PNPT1: variants seen among roughly 807,000 people sequenced by gnomAD.
The protein encoded by PNPT1 is polyribonucleotide nucleotidyltransferase 1, mitochondrial.
A neutral mutation model predicts 119.5 loss-of-function variants in PNPT1; 53 were observed. The ratio of observed to expected loss-of-function variants is 0.44; its 90% confidence interval spans 0.36 to 0.56. The LOEUF is 0.56. PNPT1 is among the 20% of genes least tolerant of loss of function. The pLI is 0.00. For missense variants in PNPT1, 948 were observed against 938.5 expected (o/e 1.01, Z -0.13); for synonymous variants, 357 against 322.1 (o/e 1.11, Z -1.16).
intron 26 of PNPT1, among the ~76,000 whole-genome samples, chr2:55,638,624 G>C (rs1361545050): frequency 7.2e-5 from 11 of 152,094 alleles, no homozygotes; most frequent in Admixed American, 7.2e-4. Context: ...ACTCCAGCCT[G>C]GGTGACAGAG....
At position 55,654,958 on chromosome 2, in the gene PNPT1, A is replaced by G. The variant is rs779487961; in HGVS notation, c.1442-5T>C. On this transcript the variant is annotated splice_region_variant and splice_polypyrimidine_tract_variant and intron_variant, in intron 17 of 27. Transcript: ENST00000447944. ...CAGATGCCATAGAAGATGACCCTATAGAAAGAAAAATAACTGCTTTATATT... is the reference window on the plus strand; with the variant it reads ...CAGATGCCATAGAAGATGACCCTATGGAAAGAAAAATAACTGCTTTATATT... 5 of 1,611,638 alleles carry G rather than the reference A, an allele frequency of 3.1e-6. No homozygotes were observed. The African/African-American group carries it at 5.3e-5, about 17-fold the overall frequency.
intron 25 of PNPT1, among the ~76,000 whole-genome samples, chr2:55,641,634 T>C (rs1334964188): frequency 6.6e-6 from 1 of 152,184 alleles, no homozygotes; most frequent in African/African-American, 2.4e-5. Flanking sequence ...CTTCCCTTTT[T>C]TCTCTAATCT....
intron 10 of PNPT1, 88 bp from the exon 11 acceptor site, chr2:55,671,464 T>TA: frequency 4.2e-6 from 3 of 718,534 alleles, no homozygotes; most frequent in African/African-American, 1.9e-5. Flanking sequence ...GAACACATTG[T>TA]GAATTACTCT....
At chr2:55,668,666 C>T (rs1259428268) in intron 11 of PNPT1, among the ~76,000 whole-genome samples, 1 of 152,066 alleles carries the variant, frequency 6.6e-6, no homozygotes, top group Non-Finnish European at 1.5e-5. Flanking sequence ...ATGGCATGAT[C>T]TCAGCTCACC....
intron 1 of PNPT1, among the ~76,000 whole-genome samples, chr2:55,693,414 G>A (rs958959292): frequency 6.6e-6 from 1 of 152,156 alleles, no homozygotes; most frequent in Non-Finnish European, 1.5e-5. Context: ...CGGAAGTCAG[G>A]TGGACGGACA....
At chr2:55,644,789 C>T in intron 22 of PNPT1, 69 bp from the exon 23 acceptor site, 1 of 1,086,550 alleles carries the variant, frequency 9.2e-7, no homozygotes, top group South Asian at 1.9e-5. Flanking sequence ...ATGCCATGGT[C>T]ACTTGAGATT....
In PNPT1 at chr2:55,693,842, A is replaced by G; in HGVS notation, c.-19T>C. On this transcript the variant is annotated 5_prime_UTR_variant, in exon 1 of 28. Transcript: ENST00000447944. ...CCGCCATGACACCCGGCACGCGGTC[A>G]ACGCAGGCTGTGCCCTGATTGGCTC... The G allele has an allele frequency of 1.2e-6, 2 of 1,611,992 alleles. No individual in the cohort carries two copies. Among genetic ancestry groups the G allele is most frequent in the African/African-American group, 1.3e-5 (1 of 75,064 alleles).
At chr2:55,693,463 G>C (rs898263654) in intron 1 of PNPT1, among the ~76,000 whole-genome samples, 200 bp downstream of exon 1, 2 of 152,212 alleles carry the variant, frequency 1.3e-5, no homozygotes, top group African/African-American at 4.8e-5. Context: ...CACACCAACA[G>C]AGAGAACGAC....
At chr2:55,679,552 G>C in intron 8 of PNPT1, 130 bp downstream of exon 8, 1 of 612,518 alleles carries the variant, frequency 1.6e-6, no homozygotes, top group Non-Finnish European at 2.8e-6. Flanking sequence ...ACAAAAATAG[G>C]ACAGAGATAA....
intron 7 of PNPT1, 70 bp from the exon 8 acceptor site, chr2:55,679,865 T>C (rs1435217588): frequency 9.7e-7 from 1 of 1,035,814 alleles, no homozygotes; most frequent in East Asian, 2.5e-5. Context: ...ATTCCAGTCA[T>C]GGCTTCAACC....
At chr2:55,649,529 G>C (rs937840169) in intron 18 of PNPT1, among the ~76,000 whole-genome samples, 9 of 151,954 alleles carry the variant, frequency 5.9e-5, no homozygotes, top group Admixed American at 2.6e-4. Context: ...ATCATTTCTT[G>C]CCCTGGCAAC....
At chr2:55,693,408 A>G (rs1370847548) in intron 1 of PNPT1, among the ~76,000 whole-genome samples, 1 of 152,186 alleles carries the variant, frequency 6.6e-6, no homozygotes, top group Non-Finnish European at 1.5e-5. Flanking sequence ...AGAGATCGGA[A>G]GTCAGGTGGA....
chr2:55,650,990 G>A (rs1696168599), intron 18 of PNPT1, among the ~76,000 whole-genome samples: 1 of 144,376 alleles, frequency 6.9e-6, no homozygotes, highest in African/African-American at 2.5e-5. Context: ...TCCGGGAGGT[G>A]AGGGGCGCCT....
At position 55,671,345 on chromosome 2, in the gene PNPT1, CT is replaced by C; in HGVS notation, c.949del (p.Arg317AspfsTer2). ...VSRDEAVNKIRLDTEEQLKEK... is the reference protein window; with the variant it reads ...VSRDEAVNKIXLDTEEQLKEK... ...TTTTAGTTGTTCCTCCGTATCTAAT[CT>C]TATTTTGTTAACAGCTTCATCTCTG... On this transcript the variant is annotated frameshift_variant, in exon 11 of 28. Transcript: ENST00000447944. LOFTEE classifies it high-confidence loss of function. 6.5e-7 allele frequency: 1 copy of C among 1,543,040 alleles called. No individual in the cohort carries two copies. The highest frequency in any genetic ancestry group is 8.7e-7 in the Non-Finnish European group (1 of 1,143,876).
chr2:55,646,777 A>G (rs1444069350), intron 19 of PNPT1, among the ~76,000 whole-genome samples: 4 of 127,832 alleles, frequency 3.1e-5, no homozygotes, highest in African/African-American at 5.1e-5. Flanking sequence ...ACACTGTGTA[A>G]GTATTACTGC....
chr2:55,664,819 C>T (rs1696685946), intron 13 of PNPT1, among the ~76,000 whole-genome samples: 1 of 151,876 alleles, frequency 6.6e-6, no homozygotes, highest in Non-Finnish European at 1.5e-5. Context: ...AAAAGAAAAC[C>T]TGAATCAAAG....
At chr2:55,670,430 T>C (rs782635) in intron 11 of PNPT1, among the ~76,000 whole-genome samples, 141,460 of 152,032 alleles carry the variant, frequency 0.93, 66,331 homozygotes, top group African/African-American at 0.96. Context: ...TCGTGATCTG[T>C]CTGCCTCGGC....
chr2:55,640,692 T>A lies in PNPT1; in HGVS notation c.2083A>T (p.Met695Leu). 1 of 1,577,664 alleles carries A rather than the reference T, an allele frequency of 6.3e-7. No homozygotes were observed. ...GTCATATTTGGATATAATTTTACCA[T>A]TACACCAGTATCTCTACAAAAAAAT... ...TITEIRDTGV[M>L]VKLYPNMTAV... The change falls in exon 26 of 28, where the codon ATG (methionine) becomes TTG (leucine). Residue 695 changes from methionine to leucine, a missense_variant. Coordinates refer to ENST00000447944, the MANE Select transcript of PNPT1 (RefSeq NM_033109.5).
intron 18 of PNPT1, among the ~76,000 whole-genome samples, chr2:55,650,261 G>A (rs894593153): frequency 6.6e-6 from 1 of 152,172 alleles, no homozygotes; most frequent in African/African-American, 2.4e-5. Context: ...TCCTGCCTCA[G>A]CCTGCCGACT....
Sources: allele counts gnomAD v4.1 joint callset (sites outside exome capture counted in the v4.1 genomes callset), GRCh38; gene constraint gnomAD v4.1.1; transcripts MANE v1.5; gene names NCBI Gene and HGNC (gene_info 2026-07-23, HGNC 2026-07-21).